Variants in SORCS2 observed in about 807,000 individuals in gnomAD.
SORCS2 encodes the protein VPS10 domain-containing receptor SorCS2.
In SORCS2, 100 loss-of-function variants were observed where a neutral mutation model predicts 141.6. The ratio of observed to expected loss-of-function variants is 0.71; its 90% CI spans 0.60 to 0.83. SORCS2 has a LOEUF of 0.83. SORCS2 is among the 40% of genes least tolerant of loss of function. The pLI is 0.00. For missense variants in SORCS2, 1,646 were observed against 1,560.2 expected, an observed-to-expected ratio of 1.05 and a Z score of -0.93; for synonymous variants, 789 against 676.9, an observed-to-expected ratio of 1.17 and a Z score of -2.57.
chr4:7,481,365 C>G (rs1294130182), intron 2 of SORCS2, among the ~76,000 whole-genome samples: 1 of 152,204 alleles, frequency 6.6e-6, no homozygotes, highest in African/African-American at 2.4e-5. Flanking sequence ...CAGGGCTGGG[C>G]TCGGTCAGCA....
intron 8 of SORCS2, among the ~76,000 whole-genome samples, chr4:7,673,709 C>T (rs1722926628): frequency 6.6e-6 from 1 of 152,182 alleles, no homozygotes; most frequent in South Asian, 2.1e-4. Flanking sequence ...TTACCCAATG[C>T]ATTTACCCAG....
chr4:7,321,281 T>A (rs1718877386), intron 1 of SORCS2, among the ~76,000 whole-genome samples: 1 of 152,230 alleles, frequency 6.6e-6, no homozygotes, highest in Non-Finnish European at 1.5e-5. Flanking sequence ...ATTTTATTCC[T>A]TTTTATGGCT....
intron 2 of SORCS2, among the ~76,000 whole-genome samples, chr4:7,520,839 T>C (rs1306626770): frequency 1.3e-5 from 2 of 152,204 alleles, no homozygotes; most frequent in Non-Finnish European, 2.9e-5. Context: ...GCTCCTGCAC[T>C]GGGTCGGGCT....
intron 2 of SORCS2, among the ~76,000 whole-genome samples, chr4:7,423,659 G>A (rs945058042): frequency 2.6e-5 from 4 of 152,156 alleles, no homozygotes; most frequent in African/African-American, 9.7e-5. Flanking sequence ...TTCGTGCCCA[G>A]GACCAGCCCT....
chr4:7,345,594 C>A (rs931980071), intron 1 of SORCS2, among the ~76,000 whole-genome samples: 3 of 151,230 alleles, frequency 2.0e-5, no homozygotes, highest in Non-Finnish European at 4.4e-5. Context: ...TCTCCATAGA[C>A]AAGTCCTAGG....
intron 19 of SORCS2, 77 bp downstream of exon 19, chr4:7,723,960 A>T: frequency 1.4e-6 from 2 of 1,453,664 alleles, no homozygotes; most frequent in Middle Eastern, 1.8e-4. Context: ...AAACACAGGG[A>T]AGCCCCCGGG....
At chr4:7,628,790 G>A (rs1382698388) in intron 3 of SORCS2, among the ~76,000 whole-genome samples, 1 of 152,176 alleles carries the variant, frequency 6.6e-6, no homozygotes, top group Admixed American at 6.5e-5. Flanking sequence ...GAAGGACAGT[G>A]GTGATGGTTC....
chr4:7,531,356 C>G (rs1230186566), intron 2 of SORCS2, among the ~76,000 whole-genome samples, 174 bp from the exon 3 acceptor site: 1 of 152,232 alleles, frequency 6.6e-6, no homozygotes, highest in East Asian at 1.9e-4. Flanking sequence ...AGCCCAGTCT[C>G]CTCTCCTGCC....
chr4:7,202,339 T>C (rs1727525867), intron 1 of SORCS2, among the ~76,000 whole-genome samples: 1 of 152,194 alleles, frequency 6.6e-6, no homozygotes, highest in Non-Finnish European at 1.5e-5. Context: ...GATACTTGAG[T>C]GAGTGAGGAC....
intron 1 of SORCS2, among the ~76,000 whole-genome samples, chr4:7,342,732 A>G (rs1007430158): frequency 9.2e-5 from 14 of 152,210 alleles, no homozygotes; most frequent in Admixed American, 2.6e-4. Context: ...AGTTTCATGT[A>G]AAATAATCTG....
intron 1 of SORCS2, among the ~76,000 whole-genome samples, chr4:7,205,047 C>T (rs1385215973): frequency 5.9e-5 from 9 of 152,182 alleles, no homozygotes; most frequent in African/African-American, 2.2e-4. Flanking sequence ...CAATAAAAAC[C>T]CTATGTTTTT....
chr4:7,538,137 G>A (rs1201301125), intron 3 of SORCS2, among the ~76,000 whole-genome samples: 2 of 152,206 alleles, frequency 1.3e-5, no homozygotes, highest in East Asian at 1.9e-4. Flanking sequence ...TAATGGATAG[G>A]TTTTGCAGGA....
intron 1 of SORCS2, among the ~76,000 whole-genome samples, chr4:7,195,023 A>T (rs2108847481): frequency 6.7e-6 from 1 of 148,710 alleles, no homozygotes; most frequent in Non-Finnish European, 1.5e-5. Context: ...CCTGGGAGAG[A>T]GTTGAGGAGG....
rs568241816 is a variant in SORCS2, at chr4:7,536,016, C to T, written c.648+4387C>T. Among the ~76,000 whole-genome samples the T allele has an allele frequency of 3.9e-5, 6 of 152,348 alleles. No homozygotes were observed. The East Asian group carries it at 9.6e-4, about 24-fold the overall frequency. On this transcript the variant is annotated intron_variant, in intron 3 of 26. Coordinates refer to ENST00000507866, the MANE Select transcript of SORCS2 (RefSeq NM_020777.3). ...TTTCCCTGTGATGCTGCTGGCAGTG[C>T]GCTTCTGCCTCAGGAGAATGAAACA...
At position 7,264,291 on chromosome 4, in the gene SORCS2, G is replaced by A. The variant is rs1478641564; in HGVS notation, c.480+71165G>A. Among the ~76,000 whole-genome samples the A allele has an allele frequency of 1.3e-5, 2 of 152,226 alleles. 1 individual carries two copies. The highest frequency in any genetic ancestry group is 1.3e-4 in the Admixed American group (2 of 15,290). Reference sequence around the variant, plus strand: ...CCTGGCTCTGTGCAGCCCATGTCCCGCACCTCCCTCAGCACCTGGGTGCCT... The same window carrying A: ...CCTGGCTCTGTGCAGCCCATGTCCCACACCTCCCTCAGCACCTGGGTGCCT... On this transcript the variant is annotated intron_variant, in intron 1 of 26. Transcript: ENST00000507866.
intron 17 of SORCS2, 96 bp from the exon 18 acceptor site, chr4:7,717,916 C>T: frequency 7.4e-7 from 1 of 1,355,372 alleles, no homozygotes; most frequent in South Asian, 1.6e-5. Context: ...AGCCAAGTGC[C>T]ACCTCTGGGT....
chr4:7,598,129 C>T (rs182900148), intron 3 of SORCS2, among the ~76,000 whole-genome samples: 16 of 152,100 alleles, frequency 1.1e-4, no homozygotes, highest in South Asian at 4.2e-4. Context: ...CCACCCTGCC[C>T]GGCTAATTTT....
chr4:7,253,051 C>T (rs905312596), intron 1 of SORCS2, among the ~76,000 whole-genome samples: 2 of 152,382 alleles, frequency 1.3e-5, no homozygotes, highest in African/African-American at 4.8e-5. Context: ...CCTGAATCCC[C>T]CAGCTGGGCT....
chr4:7,710,795 C>T (rs1430714384), intron 14 of SORCS2, among the ~76,000 whole-genome samples: 2 of 152,250 alleles, frequency 1.3e-5, no homozygotes, highest in South Asian at 2.1e-4. Context: ...GAGTCACAGC[C>T]GTACCTGGGG....
Sources: allele counts gnomAD v4.1 joint callset (sites outside exome capture counted in the v4.1 genomes callset), GRCh38; gene constraint gnomAD v4.1.1; transcripts MANE v1.5; gene names NCBI Gene and HGNC (gene_info 2026-07-23, HGNC 2026-07-21).